Variants in PRDM9 observed in about 807,000 individuals in gnomAD.
The protein encoded by PRDM9 is histone-lysine N-methyltransferase PRDM9.
A neutral mutation model predicts 55.6 loss-of-function variants in PRDM9; 47 were observed. The ratio of observed to expected loss-of-function variants is 0.85; its 90% CI spans 0.67 to 1.08. The LOEUF (loss-of-function observed/expected upper bound fraction) is 1.08, where lower values mean the gene tolerates loss of function less well. Ranked by LOEUF, PRDM9 falls within the 50% of genes least tolerant of loss-of-function variation. The pLI is 0.00. For synonymous variants in PRDM9, 312 were observed against 375.7 expected, an observed-to-expected ratio of 0.83 and a Z score of 1.96; for missense variants, 867 against 1,040.3, an observed-to-expected ratio of 0.83 and a Z score of 2.29.
intron 4 of PRDM9, among the ~76,000 whole-genome samples, chr5:23,514,206 C>T (rs1739155632): frequency 6.6e-6 from 1 of 152,096 alleles, no homozygotes; most frequent in Admixed American, 6.5e-5. Flanking sequence ...TATTAGTCAG[C>T]CCAGGCTGCC....
At position 23,509,120 on chromosome 5, in the gene PRDM9, C is replaced by T. The variant is rs1334868909; in HGVS notation, c.69+18C>T. 3.1e-6 allele frequency: 5 copies of T among 1,613,416 alleles called. No homozygotes were observed. The highest frequency in any genetic ancestry group is 1.7e-4 in the Middle Eastern group (1 of 6,056). On this transcript the variant is annotated intron_variant, in intron 2 of 10. Coordinates refer to ENST00000296682, the MANE Select transcript of PRDM9 (RefSeq NM_020227.4). Reference sequence around the variant, plus strand: ...AGCCCATGGTGAGAAGTGGAGGAAGCGAAGCTGGACTCCTAGCAGGAGCTG... The same window carrying T: ...AGCCCATGGTGAGAAGTGGAGGAAGTGAAGCTGGACTCCTAGCAGGAGCTG...
In PRDM9 at chr5:23,527,435, C is replaced by T. The variant is rs566721769; in HGVS notation, c.2347C>T (p.Arg783Trp). 2.1e-5 allele frequency: 34 copies of T among 1,595,366 alleles called. No homozygotes were observed. In the Admixed American group the frequency reaches 2.9e-4, roughly 14 times the overall value. The stretch of plus-strand genomic sequence containing the variant: ...GCCCTATGTCTGCAGGGAGTGTGGG[C>T]GGGGCTTTAGAGATAAGTCAAACCT... ...EKPYVCRECG[R>W]GFRDKSNLLS... The change falls in exon 11 of 11, where the codon CGG becomes TGG. Residue 783 changes from arginine (R) to tryptophan (W), a missense_variant. Around this residue, in one of 5 missense-constraint regions of PRDM9, gnomAD observed 92 missense variants for 185.7 expected, o/e 0.50. Coordinates refer to ENST00000296682, the MANE Select transcript of PRDM9 (RefSeq NM_020227.4).
At chr5:23,517,973 G>A (rs1739249446) in intron 5 of PRDM9, 43 bp downstream of exon 5, 1 of 1,510,016 alleles carries the variant, frequency 6.6e-7, no homozygotes. Context: ...CCTTCCTCAT[G>A]GATCCAAACA....
intron 4 of PRDM9, among the ~76,000 whole-genome samples, chr5:23,511,502 C>T (rs1287538473): frequency 2.6e-5 from 4 of 152,054 alleles, no homozygotes; most frequent in Non-Finnish European, 4.4e-5. Flanking sequence ...TGTGCCACCA[C>T]GCCAAGCTAA....
At chr5:23,516,430 T>A (rs1579590858) in intron 4 of PRDM9, among the ~76,000 whole-genome samples, 1 of 152,088 alleles carries the variant, frequency 6.6e-6, no homozygotes, top group South Asian at 2.1e-4. Context: ...TGGAGTGCAG[T>A]GGCGTGATAT....
Position 23,526,482 on chromosome 5 carries a change from A to G in PRDM9, c.1394A>G (p.Lys465Arg). The change falls in exon 11 of 11, where the codon AAA (lysine) becomes AGA (arginine). Residue 465 changes from lysine to arginine, a missense_variant. Transcript: ENST00000296682. Reference protein sequence around the residue: ...EIKERSKLLNKRTWQREISRA... With the variant: ...EIKERSKLLNRRTWQREISRA... The stretch of plus-strand genomic sequence containing the variant: ...AAAGAAAGGTCCAAACTCTTGAATA[A>G]AAGGACATGGCAGAGGGAGATTTCA... 1 of 1,614,102 alleles carries G rather than the reference A, an allele frequency of 6.2e-7. No homozygotes were observed.
chr5:23,510,169 C>T (rs1440224966), intron 4 of PRDM9, 142 bp downstream of exon 4: 3 of 842,764 alleles, frequency 3.6e-6, no homozygotes, highest in Non-Finnish European at 5.5e-6. Flanking sequence ...ATTCTCCTGC[C>T]TCAGCCTCCC....
intron 5 of PRDM9, among the ~76,000 whole-genome samples, chr5:23,520,096 G>A (rs1739298500): frequency 6.6e-6 from 1 of 150,742 alleles, no homozygotes; most frequent in Non-Finnish European, 1.5e-5. Flanking sequence ...TGAGTGTGGG[G>A]GCTCATGCCT....
chr5:23,523,321 G>A lies in PRDM9; in HGVS notation c.913G>A (p.Val305Met). The change falls in exon 9 of 11, where the codon GTG becomes ATG. Residue 305 changes from valine (V) to methionine (M), a missense_variant. Around this residue, in one of 5 missense-constraint regions of PRDM9, gnomAD observed 662 missense variants for 711.9 expected, o/e 0.93. Transcript: ENST00000296682. ...CAAGGGGAGAAACTGCTATGAGTAT[G>A]TGGATGGAAAAGATAAATCCTGGGC... is the stretch of plus-strand genomic sequence containing the variant. Reference protein sequence around the residue: ...ITKGRNCYEYVDGKDKSWANW... With the variant: ...ITKGRNCYEYMDGKDKSWANW... 1 of 1,614,062 alleles carries A rather than the reference G, an allele frequency of 6.2e-7. No individual in the cohort carries two copies. Among genetic ancestry groups the A allele is most frequent in the Non-Finnish European group, 8.5e-7 (1 of 1,179,924 alleles).
chr5:23,514,828 C>T (rs1277252638), intron 4 of PRDM9, among the ~76,000 whole-genome samples: 1 of 152,104 alleles, frequency 6.6e-6, no homozygotes, highest in Non-Finnish European at 1.5e-5. Context: ...CTTTAAATAC[C>T]ATCATATTGA....
rs559523990 is a variant in PRDM9, at chr5:23,526,843, T to C, written c.1755T>C (p.Cys585=). Residue 585 remains cysteine (C), a synonymous_variant, in exon 11 of 11, where the codon TGT becomes TGC. Coordinates refer to ENST00000296682, the MANE Select transcript of PRDM9 (RefSeq NM_020227.4). Reference sequence around the variant, plus strand: ...AGAAGCCCTATGTCTGCAGGGAGTGTGGGCGGGGCTTTAGCTGGCAGTCAG... The same window carrying C: ...AGAAGCCCTATGTCTGCAGGGAGTGCGGGCGGGGCTTTAGCTGGCAGTCAG... ...TGEKPYVCRE[C]GRGFSWQSVL... The C allele has an allele frequency of 1.2e-6, 2 of 1,602,690 alleles. No homozygotes were observed. Among genetic ancestry groups the C allele is most frequent in the East Asian group, 4.6e-5 (2 of 43,950 alleles).
intron 5 of PRDM9, among the ~76,000 whole-genome samples, chr5:23,518,699 A>G (rs1176336284): frequency 6.6e-6 from 1 of 152,216 alleles, no homozygotes; most frequent in African/African-American, 2.4e-5. Flanking sequence ...GTAAAAATAT[A>G]TTCTTCTGGA....
At chr5:23,525,870 G>C (rs1265804712) in intron 10 of PRDM9, among the ~76,000 whole-genome samples, 4 of 152,164 alleles carry the variant, frequency 2.6e-5, no homozygotes, top group African/African-American at 9.7e-5. Flanking sequence ...CAGGGAGGGA[G>C]GATGTGGCAG....
chr5:23,516,750 C>T lies in PRDM9; in HGVS notation c.302-1131C>T, dbSNP rs538071766. On this transcript the variant is annotated intron_variant, in intron 4 of 10. Transcript: ENST00000296682. ...TTTTTTTTTTTTTAAGATGGGGTCT[C>T]GCTCTGTCGCCCAGGCTGGAGTGCA... Among the ~76,000 whole-genome samples the T allele has an allele frequency of 1.4e-4, 17 of 125,274 alleles. No individual in the cohort carries two copies. In the South Asian group the frequency reaches 4.3e-3, roughly 31 times the overall value. The allele number at this position is 125,274 out of a possible 152,430, so 82.2% of individuals were successfully genotyped here.
rs539532219 is a variant in PRDM9 at position 23,516,521 on chromosome 5, C to T, written c.302-1360C>T. ...TCGAGTAGCTGGGACTACAGGCGCC[C>T]GCCACCATGCCTGGATAATTGTTTG... On this transcript the variant is annotated intron_variant, in intron 4 of 10. Coordinates refer to ENST00000296682, the MANE Select transcript of PRDM9 (RefSeq NM_020227.4). 4.3e-4 allele frequency among the ~76,000 whole-genome samples: 64 copies of T among 149,682 alleles called. 1 individual carries two copies. The highest frequency in any genetic ancestry group is 7.4e-4 in the Non-Finnish European group (50 of 67,132).
intron 10 of PRDM9, among the ~76,000 whole-genome samples, chr5:23,524,767 A>T (rs1420554368): frequency 6.6e-6 from 1 of 152,252 alleles, no homozygotes; most frequent in Admixed American, 6.5e-5. Context: ...AGTATATAAC[A>T]GCATATAGTG....
At position 23,526,218 on chromosome 5, in the gene PRDM9, A is replaced by C. The variant is rs1383489184; in HGVS notation, c.1145-15A>C. On this transcript the variant is annotated splice_polypyrimidine_tract_variant and intron_variant, in intron 10 of 10. Coordinates refer to ENST00000296682, the MANE Select transcript of PRDM9 (RefSeq NM_020227.4). ...GAACAAAACATCTACCCTGACCAAAAACTTCCTCTTTCAGAACCAAAGCCA... is the reference window on the plus strand; with the variant it reads ...GAACAAAACATCTACCCTGACCAAACACTTCCTCTTTCAGAACCAAAGCCA... 6.2e-7 allele frequency: 1 copy of C among 1,612,678 alleles called. No individual in the cohort carries two copies. Among genetic ancestry groups the C allele is most frequent in the South Asian group, 1.1e-5 (1 of 91,030 alleles).
Position 23,517,365 on chromosome 5 carries a change from A to G in PRDM9, c.302-516A>G, listed in dbSNP as rs151210842. Reference sequence around the variant, plus strand: ...TTTATCTATTTTTTTAAGTCTTAAGAAAATTAGCAATGCCTTTAATAGAAA... The same window carrying G: ...TTTATCTATTTTTTTAAGTCTTAAGGAAATTAGCAATGCCTTTAATAGAAA... On this transcript the variant is annotated intron_variant, in intron 4 of 10. Coordinates refer to ENST00000296682, the MANE Select transcript of PRDM9 (RefSeq NM_020227.4). Among the ~76,000 whole-genome samples, 1,106 of 152,220 alleles carry G rather than the reference A, an allele frequency of 7.3e-3. 17 individuals are homozygous for G. Among genetic ancestry groups the G allele is most frequent in the African/African-American group, 0.025 (1,052 of 41,540 alleles).
chr5:23,525,814 G>A (rs1739418203), intron 10 of PRDM9, among the ~76,000 whole-genome samples: 2 of 152,132 alleles, frequency 1.3e-5, no homozygotes, highest in African/African-American at 4.8e-5. Flanking sequence ...TTTCTCAATA[G>A]AATAAAATAG....
Sources: gnomAD v4.1 joint callset for allele counts (sites outside exome capture counted in the v4.1 genomes callset) on GRCh38, gnomAD v4.1.1 for gene constraint, gnomAD v4.1.1 regional missense constraint, MANE v1.5 for transcripts, NCBI Gene and HGNC (gene_info 2026-07-23, HGNC 2026-07-21) for gene names.